KLHL32: variants seen among roughly 807,000 people sequenced by gnomAD.
KLHL32 encodes the protein kelch like family member 32, also known as kelch-like protein 32.
In KLHL32, 35 loss-of-function variants were observed where a neutral mutation model predicts 64.8. The ratio of observed to expected loss-of-function variants is 0.54; its 90% CI spans 0.41 to 0.72. The LOEUF (loss-of-function observed/expected upper bound fraction) is 0.72. KLHL32 is among the 30% of genes least tolerant of loss of function. The probability of loss-of-function intolerance (pLI) is 0.00; values close to 1 mark genes in which losing one functional copy is unlikely to be tolerated. For missense variants in KLHL32, 589 were observed against 768.5 expected (o/e 0.77, Z 2.76); for synonymous variants, 259 against 281.0 (o/e 0.92, Z 0.78).
chr6:96,954,586 C>A (rs1054872967), intron 1 of KLHL32, among the ~76,000 whole-genome samples: 2 of 152,132 alleles, frequency 1.3e-5, no homozygotes, highest in Non-Finnish European at 2.9e-5. Context: ...ATAAACCTAG[C>A]TGCTGGCATT....
intron 1 of KLHL32, among the ~76,000 whole-genome samples, chr6:96,966,433 C>A (rs937207864): frequency 2.0e-5 from 3 of 152,168 alleles, no homozygotes; most frequent in Admixed American, 1.3e-4. Context: ...TTCAATCATG[C>A]AATATTGAAG....
In KLHL32 at chr6:97,133,591, T is replaced by G. The variant is rs1173133215; in HGVS notation, c.1701+844T>G. On this transcript the variant is annotated intron_variant, in intron 10 of 10. Coordinates refer to ENST00000369261, the MANE Select transcript of KLHL32 (RefSeq NM_052904.4). The stretch of plus-strand genomic sequence containing the variant: ...TCAGTCACATCTCATAAAGTACATA[T>G]ATTTTGAAGAAAATTCCATGTTGTC... Among the ~76,000 whole-genome samples, 4 of 152,234 alleles carry G rather than the reference T, an allele frequency of 2.6e-5. No homozygotes were observed. In the South Asian group the frequency reaches 6.2e-4, roughly 24 times the overall value.
chr6:97,112,073 C>T (rs533537845), intron 6 of KLHL32, among the ~76,000 whole-genome samples: 2 of 152,232 alleles, frequency 1.3e-5, no homozygotes, highest in South Asian at 4.2e-4. Context: ...GAAAAGTCAA[C>T]ATTCCAGCAT....
At chr6:97,056,522 A>G (rs905929479) in intron 4 of KLHL32, among the ~76,000 whole-genome samples, 3 of 150,686 alleles carry the variant, frequency 2.0e-5, no homozygotes, top group African/African-American at 4.9e-5. Context: ...GCTCCTCCCC[A>G]CTCTGTAGGC....
intron 1 of KLHL32, among the ~76,000 whole-genome samples, chr6:96,965,389 A>G (rs950993480): frequency 6.6e-6 from 1 of 152,198 alleles, no homozygotes; most frequent in Non-Finnish European, 1.5e-5. Flanking sequence ...AATGTCTGTA[A>G]AAGAGAATTT....
At chr6:97,090,574 CTCAGCTT>C (rs1436990369) in intron 6 of KLHL32, among the ~76,000 whole-genome samples, 2 of 152,232 alleles carry the variant, frequency 1.3e-5, no homozygotes, top group African/African-American at 4.8e-5. Context: ...TGGTGATGTA[CTCAGCTT>C]TCATCTTTTA....
chr6:97,085,265 C>T lies in KLHL32; in HGVS notation c.551C>T (p.Thr184Met), dbSNP rs549541965. ...AAGAGCCGCCCAGAAGAAGTTCTAA[C>T]GCTTCCCTATTGCCTGCTTCAGGAG... ...LLKSRPEEVL[T>M]LPYCLLQEVL... Residue 184 changes from threonine to methionine, a missense_variant, in exon 6 of 11, where the codon ACG becomes ATG. This residue lies in a region of KLHL32 where 191 missense variants were observed against 223.3 expected (regional missense o/e 0.86). Coordinates refer to ENST00000369261, the MANE Select transcript of KLHL32 (RefSeq NM_052904.4). The T allele has an allele frequency of 1.6e-4, 259 of 1,613,808 alleles. 5 individuals are homozygous for T. In the South Asian group the frequency reaches 2.5e-3, roughly 16 times the overall value.
chr6:97,075,704 C>G lies in KLHL32; in HGVS notation c.412-9422C>G, dbSNP rs532313448. 2.0e-5 allele frequency among the ~76,000 whole-genome samples: 3 copies of G among 152,290 alleles called. No individual in the cohort carries two copies. In the East Asian group the frequency reaches 5.8e-4, roughly 29 times the overall value. The stretch of plus-strand genomic sequence containing the variant: ...CTTTCTCTACTCCTGGAGTACCAAC[C>G]TTTCCTGCAGCACCAGGTTAGGTAG... On this transcript the variant is annotated intron_variant, in intron 5 of 10. Coordinates refer to ENST00000369261, the MANE Select transcript of KLHL32 (RefSeq NM_052904.4).
intron 1 of KLHL32, among the ~76,000 whole-genome samples, chr6:96,961,860 C>T (rs2128026448): frequency 1.3e-5 from 2 of 152,306 alleles, no homozygotes; most frequent in East Asian, 3.9e-4. Context: ...GCAGCTGTTG[C>T]AGGCCCAACC....
At chr6:96,987,580 T>C (rs1044449381) in intron 3 of KLHL32, among the ~76,000 whole-genome samples, 1 of 152,206 alleles carries the variant, frequency 6.6e-6, no homozygotes, top group African/African-American at 2.4e-5. Context: ...AATGACTTTC[T>C]TCACAGAATT....
intron 1 of KLHL32, among the ~76,000 whole-genome samples, chr6:96,949,743 G>A (rs1405367028): frequency 1.3e-5 from 2 of 152,028 alleles, no homozygotes; most frequent in Non-Finnish European, 2.9e-5. Flanking sequence ...GATTCCGAAA[G>A]CAGAACTTTT....
intron 1 of KLHL32, among the ~76,000 whole-genome samples, chr6:96,954,438 C>T (rs1269310268): frequency 6.7e-6 from 1 of 149,714 alleles, no homozygotes; most frequent in Non-Finnish European, 1.5e-5. Flanking sequence ...CATGGGCAGG[C>T]TTGTTATGCA....
At chr6:97,120,786 A>G (rs1798278320) in intron 7 of KLHL32, among the ~76,000 whole-genome samples, 1 of 152,176 alleles carries the variant, frequency 6.6e-6, no homozygotes, top group Admixed American at 6.5e-5. Flanking sequence ...CATCCACTTA[A>G]AAGTTCCTAG....
In KLHL32 at chr6:97,085,260, T is replaced by C. The variant is rs147452673; in HGVS notation, c.546T>C (p.Val182=). 3.7e-6 allele frequency: 6 copies of C among 1,613,788 alleles called. No homozygotes were observed. The highest frequency in any genetic ancestry group is 1.3e-5 in the African/African-American group (1 of 74,918). Reference sequence around the variant, plus strand: ...TCCTGAAGAGCCGCCCAGAAGAAGTTCTAACGCTTCCCTATTGCCTGCTTC... The same window carrying C: ...TCCTGAAGAGCCGCCCAGAAGAAGTCCTAACGCTTCCCTATTGCCTGCTTC... The part of the protein sequence containing the change: ...SELLKSRPEE[V]LTLPYCLLQE... The change falls in exon 6 of 11, where the codon GTT becomes GTC. Residue 182 remains valine, a synonymous_variant. Transcript: ENST00000369261.
At chr6:97,085,065 C>A in intron 5 of KLHL32, 61 bp from the exon 6 acceptor site, 1 of 1,446,548 alleles carries the variant, frequency 6.9e-7, no homozygotes, top group Non-Finnish European at 9.6e-7. Context: ...AATTTCTTGC[C>A]TGCTCTTTCT....
At chr6:96,984,924 G>T (rs1211930027) in intron 3 of KLHL32, among the ~76,000 whole-genome samples, 2 of 152,092 alleles carry the variant, frequency 1.3e-5, no homozygotes, top group Non-Finnish European at 2.9e-5. Flanking sequence ...TATGATCTTA[G>T]CTGGTTATTT....
chr6:96,999,489 T>C, intron 3 of KLHL32: 1 of 909,538 alleles, frequency 1.1e-6, no homozygotes, highest in Non-Finnish European at 1.3e-6. Context: ...ATTGTACTCA[T>C]CTGTTTTCAC....
chr6:97,131,012 A>G (rs2387931), intron 9 of KLHL32, 63 bp downstream of exon 9: 665,139 of 1,444,096 alleles, frequency 0.46, 155,523 homozygotes, highest in South Asian at 0.51. Flanking sequence ...AACTTGTTTC[A>G]TAGACATCTT....
upstream of KLHL32, among the ~76,000 whole-genome samples, chr6:96,921,156 G>C (rs1030658774): frequency 6.6e-6 from 1 of 151,936 alleles, no homozygotes; most frequent in Admixed American, 6.6e-5. Flanking sequence ...ATATTTTGTT[G>C]AACCTATTTA....
Sources: gnomAD v4.1 joint callset for allele counts (sites outside exome capture counted in the v4.1 genomes callset) on GRCh38, gnomAD v4.1.1 for gene constraint, gnomAD v4.1.1 regional missense constraint, MANE v1.5 for transcripts, NCBI Gene and HGNC (gene_info 2026-07-23, HGNC 2026-07-21) for gene names.